ADK: variants seen among roughly 807,000 people sequenced by gnomAD.
ADK encodes the protein N6,N6-dimethyladenosine kinase.
In ADK, 24 loss-of-function variants were observed where a neutral mutation model predicts 44.7. The observed-to-expected ratio is 0.54, with a 90% CI of 0.39 to 0.76. ADK has a LOEUF of 0.76. Ranked by LOEUF, ADK falls within the 30% of genes least tolerant of loss-of-function variation. The probability of loss-of-function intolerance (pLI) is 0.00; values close to 1 mark genes in which losing one functional copy is unlikely to be tolerated. For synonymous variants in ADK, 128 were observed against 142.6 expected, an observed-to-expected ratio of 0.90 and a Z score of 0.73; for missense variants, 321 against 425.1, an observed-to-expected ratio of 0.76 and a Z score of 2.15.
At chr10:74,238,840 G>A (rs1018109653) in intron 3 of ADK, among the ~76,000 whole-genome samples, 1 of 138,142 alleles carries the variant, frequency 7.2e-6, no homozygotes, top group Non-Finnish European at 1.5e-5. Flanking sequence ...ATTGAAAACT[G>A]CCACTTTAGC....
chr10:74,168,903 G>A (rs1842098066), intron 1 of ADK, among the ~76,000 whole-genome samples: 1 of 152,102 alleles, frequency 6.6e-6, no homozygotes, highest in Non-Finnish European at 1.5e-5. Context: ...GAGCCACCGT[G>A]CCTTGCCAAA....
intron 4 of ADK, among the ~76,000 whole-genome samples, chr10:74,326,394 AG>A (rs1841011305): frequency 6.6e-6 from 1 of 151,130 alleles, no homozygotes; most frequent in Non-Finnish European, 1.5e-5. Context: ...CAGGAATTTG[AG>A]GTCAACCTGG....
chr10:74,578,697 A>G (rs1430569952), intron 7 of ADK, among the ~76,000 whole-genome samples: 1 of 152,140 alleles, frequency 6.6e-6, no homozygotes, highest in Non-Finnish European at 1.5e-5. Context: ...CAGGGAAAAA[A>G]AAGTGAAGAT....
chr10:74,154,404 G>C (rs1564563925), intron 1 of ADK, among the ~76,000 whole-genome samples: 1 of 152,150 alleles, frequency 6.6e-6, no homozygotes, highest in Non-Finnish European at 1.5e-5. Context: ...AAGTAGCTGG[G>C]ATTACAGGCG....
At chr10:74,458,834 CGA>C (rs1435271453) in intron 6 of ADK, among the ~76,000 whole-genome samples, 3 of 151,944 alleles carry the variant, frequency 2.0e-5, no homozygotes, top group African/African-American at 7.3e-5. Flanking sequence ...TCTTCCCTTA[CGA>C]GAGAGTTCTT....
chr10:74,547,960 AT>A (rs989749017), intron 7 of ADK, among the ~76,000 whole-genome samples: 1 of 148,350 alleles, frequency 6.7e-6, no homozygotes, highest in Non-Finnish European at 1.5e-5. Flanking sequence ...GCCCGGCCTA[AT>A]TTTTGTATTT....
chr10:74,232,193 G>A lies in ADK; in HGVS notation c.194+7602G>A, dbSNP rs148182644. On this transcript the variant is annotated intron_variant, in intron 3 of 10. Coordinates refer to ENST00000539909, the MANE Select transcript of ADK (RefSeq NM_006721.4). Reference sequence around the variant, plus strand: ...TTTTATACCTGGATTATAAAACTTCGGAAAGATTTGCTTAAATATTTTGTT... The same window carrying A: ...TTTTATACCTGGATTATAAAACTTCAGAAAGATTTGCTTAAATATTTTGTT... Among the ~76,000 whole-genome samples, 43 of 152,018 alleles carry A rather than the reference G, an allele frequency of 2.8e-4. No individual in the cohort carries two copies. In the East Asian group the frequency reaches 7.9e-3, roughly 28 times the overall value.
At chr10:74,457,634 T>C (rs1564732886) in intron 6 of ADK, among the ~76,000 whole-genome samples, 1 of 152,180 alleles carries the variant, frequency 6.6e-6, no homozygotes, top group Non-Finnish European at 1.5e-5. Context: ...CCATCAGTGA[T>C]AGACGGGATA....
At position 74,405,357 on chromosome 10, in the gene ADK, C is replaced by T. The variant is rs542814412; in HGVS notation, c.555+6778C>T. Among the ~76,000 whole-genome samples, 335 of 149,238 alleles carry T rather than the reference C, an allele frequency of 2.2e-3. 1 individual carries two copies. The highest frequency in any genetic ancestry group is 4.0e-3 in the South Asian group (19 of 4,698). Reference sequence around the variant, plus strand: ...TGAGCTCCACCTCCTGTCACATCAGCGGAGGATTCTTTTTTTTTTTTTTTC... The same window carrying T: ...TGAGCTCCACCTCCTGTCACATCAGTGGAGGATTCTTTTTTTTTTTTTTTC... On this transcript the variant is annotated intron_variant, in intron 6 of 10. Transcript: ENST00000539909.
At chr10:74,448,117 G>A (rs1845646622) in intron 6 of ADK, among the ~76,000 whole-genome samples, 1 of 152,274 alleles carries the variant, frequency 6.6e-6, no homozygotes, top group South Asian at 2.1e-4. Context: ...AGGCTGCAGT[G>A]AGTCGAGATC....
chr10:74,473,924 A>G (rs1405132341), intron 6 of ADK, among the ~76,000 whole-genome samples: 2 of 152,208 alleles, frequency 1.3e-5, no homozygotes, highest in Non-Finnish European at 2.9e-5. Flanking sequence ...GTGGAGAGAT[A>G]TTATGAAATT....
At chr10:74,378,237 A>G (rs1157002907) in intron 4 of ADK, among the ~76,000 whole-genome samples, 1 of 151,946 alleles carries the variant, frequency 6.6e-6, no homozygotes, top group Non-Finnish European at 1.5e-5. Flanking sequence ...GAGCATGCCA[A>G]AGCACTCAGA....
At chr10:74,336,509 C>T (rs973802241) in intron 4 of ADK, among the ~76,000 whole-genome samples, 3 of 151,966 alleles carry the variant, frequency 2.0e-5, no homozygotes, top group Non-Finnish European at 1.5e-5. Context: ...TAGTTGTAGA[C>T]GTCTGTAATT....
At chr10:74,285,054 A>G (rs1302703295) in intron 3 of ADK, among the ~76,000 whole-genome samples, 1 of 152,218 alleles carries the variant, frequency 6.6e-6, no homozygotes, top group African/African-American at 2.4e-5. Flanking sequence ...TATCCTTATA[A>G]TAGTCCTTCA....
chr10:74,301,513 CAAAAAAAAAA>C (rs34310248), intron 3 of ADK, among the ~76,000 whole-genome samples: 2 of 56,716 alleles, frequency 3.5e-5, no homozygotes, highest in Non-Finnish European at 7.7e-5. Flanking sequence ...GACTCTGTCT[CAAAAAAAAAA>C]AAAAAAAAAA....
chr10:74,372,034 G>A, intron 4 of ADK: 2 of 767,774 alleles, frequency 2.6e-6, no homozygotes, highest in South Asian at 2.7e-5. Flanking sequence ...AACAATAAGG[G>A]AGCTCACTCA....
In ADK at chr10:74,361,705, C is replaced by T. The variant is rs569383901; in HGVS notation, c.274-32436C>T. On this transcript the variant is annotated intron_variant, in intron 4 of 10. Coordinates refer to ENST00000539909, the MANE Select transcript of ADK (RefSeq NM_006721.4). ...ATAACACTCATTTTAGTGTTTCTTC[C>T]AGTTTGAAGAAGTTTTTAAAGCATT... 1.6e-4 allele frequency among the ~76,000 whole-genome samples: 24 copies of T among 152,268 alleles called. No homozygotes were observed. The South Asian group carries it at 5.0e-3, about 32-fold the overall frequency.
intron 2 of ADK, among the ~76,000 whole-genome samples, chr10:74,216,761 A>G (rs148687387): frequency 1.3e-5 from 2 of 152,258 alleles, no homozygotes. Context: ...TTCACAGACA[A>G]AATATGAATC....
chr10:74,646,176 T>A (rs1169010087), intron 9 of ADK, among the ~76,000 whole-genome samples: 1 of 152,204 alleles, frequency 6.6e-6, no homozygotes, highest in African/African-American at 2.4e-5. Context: ...TGAGTTTAAT[T>A]TGAATTTGAA....
Sources: allele counts gnomAD v4.1 joint callset (sites outside exome capture counted in the v4.1 genomes callset), GRCh38; gene constraint gnomAD v4.1.1; transcripts MANE v1.5; gene names NCBI Gene and HGNC (gene_info 2026-07-23, HGNC 2026-07-21).